WRAP73: variants seen among roughly 807,000 people sequenced by gnomAD.
WRAP73 encodes WD repeat containing, antisense to TP73.
In WRAP73, 55 loss-of-function variants were observed where a neutral mutation model predicts 59.6. The observed-to-expected ratio is 0.92, with a 90% CI of 0.74 to 1.15. The LOEUF (loss-of-function observed/expected upper bound fraction) is 1.15, where lower values mean the gene tolerates loss of function less well. WRAP73 is among the 50% of genes most tolerant of loss of function. WRAP73 has a pLI of 0.00. For synonymous variants in WRAP73, 265 were observed against 258.2 expected (o/e 1.03, Z -0.25); for missense variants, 592 against 608.1 (o/e 0.97, Z 0.28).
At position 3,635,142 on chromosome 1, in the gene WRAP73, C is replaced by T; in HGVS notation, c.738+18G>A. Reference sequence around the variant, plus strand: ...GCTGGGCGGTCGGACTTCCTGAGTGCCCTGCACTGGTTCCCACCTTTCCAT... The same window carrying T: ...GCTGGGCGGTCGGACTTCCTGAGTGTCCTGCACTGGTTCCCACCTTTCCAT... On this transcript the variant is annotated intron_variant, in intron 7 of 11. Transcript: ENST00000270708. 7 of 1,614,106 alleles carry T rather than the reference C, an allele frequency of 4.3e-6. No individual in the cohort carries two copies. Among genetic ancestry groups the T allele is most frequent in the Non-Finnish European group, 5.1e-6 (6 of 1,180,038 alleles).
chr1:3,631,213 G>A (rs1402626765), intron 11 of WRAP73, 96 bp from the exon 12 acceptor site: 4 of 1,559,994 alleles, frequency 2.6e-6, no homozygotes, highest in Non-Finnish European at 3.5e-6. Flanking sequence ...ACAGTGCCTG[G>A]AGTGACCCAC....
chr1:3,634,119 T>C (rs1012324051), intron 8 of WRAP73: 6 of 152,914 alleles, frequency 3.9e-5, no homozygotes, highest in African/African-American at 1.4e-4. Flanking sequence ...GGCTCACCTG[T>C]CCAGACACCC....
chr1:3,631,504 G>A lies in WRAP73; in HGVS notation c.1202C>T (p.Ser401Phe). The A allele has an allele frequency of 6.2e-7, 1 of 1,608,962 alleles. No homozygotes were observed. Among genetic ancestry groups the A allele is most frequent in the Non-Finnish European group, 8.5e-7 (1 of 1,178,194 alleles). Residue 401 changes from serine to phenylalanine, a missense_variant, in exon 11 of 12, where the codon TCC becomes TTC. By Grantham distance (155) the Ser-to-Phe change is radical (BLOSUM62 -2). Transcript: ENST00000270708. ...CTGGSRLYLW[S>F]PAGCMSVQVP... ...CTGCACCGACATGCAGCCCGCTGGGGACCACAGGTAGAGCCTGCTGCCTCC... is the reference window on the plus strand; with the variant it reads ...CTGCACCGACATGCAGCCCGCTGGGAACCACAGGTAGAGCCTGCTGCCTCC...
In WRAP73 at chr1:3,633,091, C is replaced by T. The variant is rs568644897; in HGVS notation, c.922+307G>A. The T allele has an allele frequency of 2.0e-4, 70 of 349,778 alleles. 1 individual carries two copies. The Middle Eastern group carries it at 2.8e-3, about 14-fold the overall frequency. 21.7% of individuals were successfully genotyped at this position (349,778 alleles called of 1,614,324 possible). A position where few individuals can be genotyped will look rare whatever the true frequency, so the allele number is the denominator to read the frequency against. Reference sequence around the variant, plus strand: ...CCAGACCCACTCTGAGCGCCACCCACGGAAAAGTGTTTCTTTGAAAAACAT... The same window carrying T: ...CCAGACCCACTCTGAGCGCCACCCATGGAAAAGTGTTTCTTTGAAAAACAT... On this transcript the variant is annotated intron_variant, in intron 9 of 11. Transcript: ENST00000270708.
rs1449380289 is a variant in WRAP73, at chr1:3,632,301, C to T, written c.960G>A (p.Leu320=). The T allele has an allele frequency of 1.9e-6, 3 of 1,614,074 alleles. No homozygotes were observed. The highest frequency in any genetic ancestry group is 3.3e-4 in the Middle Eastern group (2 of 6,084). Residue 320 remains leucine, a synonymous_variant, in exon 10 of 12, where the codon CTG becomes CTA. Transcript: ENST00000270708. ...GGTTTGCTCTGTCGGTAACAGGTTT[C>T]AGTGTCTGTAAGGAGACTGGGACAG... The part of the protein sequence containing the change: ...IASVPVSLQT[L]KPVTDRANPK...
intron 8 of WRAP73, chr1:3,634,675 T>G: frequency 2.8e-6 from 1 of 356,884 alleles, no homozygotes; most frequent in Non-Finnish European, 5.4e-6. Context: ...TGCCCAGTGT[T>G]TGGGGGCAGG....
At chr1:3,634,760 G>A in intron 8 of WRAP73, 1 of 549,502 alleles carries the variant, frequency 1.8e-6, no homozygotes, top group Non-Finnish European at 3.3e-6. Flanking sequence ...GACTGGGGTG[G>A]CAGCGGCAGA....
chr1:3,640,970 G>C (rs1191091001), intron 3 of WRAP73, among the ~76,000 whole-genome samples: 1 of 152,210 alleles, frequency 6.6e-6, no homozygotes, highest in Non-Finnish European at 1.5e-5. Context: ...CTTTAAGCCT[G>C]ATTTTTACCT....
At chr1:3,649,595 C>T (rs562513061) in intron 1 of WRAP73, among the ~76,000 whole-genome samples, 1 of 152,152 alleles carries the variant, frequency 6.6e-6, no homozygotes, top group East Asian at 1.9e-4. Flanking sequence ...GGGCACCTGC[C>T]GGGGTCCTGC....
rs763717080 is a variant in WRAP73 at position 3,636,046 on chromosome 1, G to A, written c.517-16C>T. 6.3e-7 allele frequency: 1 copy of A among 1,596,572 alleles called. No homozygotes were observed. The highest frequency in any genetic ancestry group is 8.6e-7 in the Non-Finnish European group (1 of 1,165,936). ...TATCAAAATGCTTCCAAAGGAAGGG[G>A]GGGAAACATTAAATTTGGAAAATAT... On this transcript the variant is annotated splice_polypyrimidine_tract_variant and intron_variant, in intron 5 of 11. Coordinates refer to ENST00000270708, the MANE Select transcript of WRAP73 (RefSeq NM_017818.4).
intron 5 of WRAP73, 109 bp downstream of exon 5, chr1:3,636,886 C>A: frequency 1.7e-6 from 2 of 1,151,516 alleles, no homozygotes; most frequent in Non-Finnish European, 2.5e-6. Context: ...TACAACATCA[C>A]CTTGCTCCAT....
At chr1:3,638,961 G>C in intron 3 of WRAP73, 139 bp from the exon 4 acceptor site, 1 of 797,398 alleles carries the variant, frequency 1.3e-6, no homozygotes, top group African/African-American at 1.7e-5. Context: ...GGGGATGCCT[G>C]CCCTCCTACC....
chr1:3,631,283 G>A (rs2101950247), intron 11 of WRAP73, 166 bp from the exon 12 acceptor site: 2 of 1,337,836 alleles, frequency 1.5e-6, no homozygotes, highest in Non-Finnish European at 2.0e-6. Context: ...GCTGCTTCTA[G>A]CCCATAAAGC....
At chr1:3,647,090 C>T (rs956461668) in intron 2 of WRAP73, among the ~76,000 whole-genome samples, 53 of 152,268 alleles carry the variant, frequency 3.5e-4, no homozygotes, top group African/African-American at 1.3e-3. Flanking sequence ...ATTGTCATTC[C>T]TAAGACCTCA....
At position 3,631,091 on chromosome 1, in the gene WRAP73, A is replaced by G; in HGVS notation, c.1267T>C (p.Trp423Arg). The part of the protein sequence containing the change: ...EGDFAVLSLC[W>R]HLSGDSMALL... ...GCCATCGAGTCTCCGCTTAAATGCC[A>G]GCACAGAGAGAGCACTGCAAAGTCG... is the stretch of plus-strand genomic sequence containing the variant. Residue 423 changes from tryptophan to arginine, a missense_variant, in exon 12 of 12, where the codon TGG becomes CGG. By Grantham distance (101) the Trp-to-Arg change is moderately radical (BLOSUM62 -3). Coordinates refer to ENST00000270708, the MANE Select transcript of WRAP73 (RefSeq NM_017818.4). 6.2e-7 allele frequency: 1 copy of G among 1,613,372 alleles called. No individual in the cohort carries two copies. The highest frequency in any genetic ancestry group is 8.5e-7 in the Non-Finnish European group (1 of 1,180,020).
At position 3,631,572 on chromosome 1, in the gene WRAP73, T is replaced by C. The variant is rs2760321; in HGVS notation, c.1134A>G (p.Ala378=). ...AVLEQLSPVR[A]FQWDPQQPRL... Reference sequence around the variant, plus strand: ...GCGGCTGCTGCGGGTCCCACTGAAATGCGCGCACTGGGGACAGCTGCTCGA... The same window carrying C: ...GCGGCTGCTGCGGGTCCCACTGAAACGCGCGCACTGGGGACAGCTGCTCGA... Residue 378 remains alanine (A), a synonymous_variant, in exon 11 of 12, where the codon GCA becomes GCG. Coordinates refer to ENST00000270708, the MANE Select transcript of WRAP73 (RefSeq NM_017818.4). 1,362,987 of 1,610,844 alleles carry C rather than the reference T, an allele frequency of 0.85. 578,285 individuals are homozygous for C. Among genetic ancestry groups the C allele is most frequent in the East Asian group, 1 (44,769 of 44,872 alleles).
Position 3,647,468 on chromosome 1 carries a change from G to A in WRAP73, c.162C>T (p.Ile54=), listed in dbSNP as rs756977059. Residue 54 remains isoleucine, a synonymous_variant, in exon 2 of 12, where the codon ATC becomes ATT. Transcript: ENST00000270708. ...TGAAGAGCGAGTCTGCCGACCACTCGATGTGCTGGATCTGGTCTAGGCACG... is the reference window on the plus strand; with the variant it reads ...TGAAGAGCGAGTCTGCCGACCACTCAATGTGCTGGATCTGGTCTAGGCACG... ...LYTCLDQIQH[I]EWSADSLFIL... 17 of 1,613,830 alleles carry A rather than the reference G, an allele frequency of 1.1e-5. 1 individual carries two copies. The Admixed American group carries it at 1.3e-4, about 13-fold the overall frequency.
In WRAP73 at chr1:3,646,794, G is replaced by A; in HGVS notation, c.223-12C>T. 1.2e-6 allele frequency: 2 copies of A among 1,607,112 alleles called. No individual in the cohort carries two copies. The highest frequency in any genetic ancestry group is 8.5e-7 in the Non-Finnish European group (1 of 1,176,558). On this transcript the variant is annotated splice_polypyrimidine_tract_variant and intron_variant, in intron 2 of 11. Coordinates refer to ENST00000270708, the MANE Select transcript of WRAP73 (RefSeq NM_017818.4). This position sits in a 1 kb window ranked among gnomAD's most constrained non-coding sequence, Gnocchi z 5.1. ...TCTAAAGACCAGACCTGGATTGAGA[G>A]AAGAAAGAAACACACAAGTGCAAAC... is the stretch of plus-strand genomic sequence containing the variant.
intron 3 of WRAP73, 56 bp from the exon 4 acceptor site, chr1:3,638,878 C>G: frequency 4.4e-6 from 7 of 1,597,370 alleles, no homozygotes; most frequent in Non-Finnish European, 6.0e-6. Context: ...CATCAGAGAC[C>G]GTCTCAATCC....
Sources: gnomAD v4.1 joint callset for allele counts (sites outside exome capture counted in the v4.1 genomes callset) on GRCh38, gnomAD v4.1.1 for gene constraint, Gnocchi (gnomAD v3.1) non-coding constraint, MANE v1.5 for transcripts, NCBI Gene and HGNC (gene_info 2026-07-23, HGNC 2026-07-21) for gene names.